IL22RA2: variants seen among roughly 807,000 people sequenced by gnomAD.
IL22RA2 encodes interleukin-22 receptor subunit alpha-2.
IL22RA2 carries 39 observed loss-of-function variants against 30.7 expected under a neutral mutation model. That is an observed-to-expected ratio of 1.27 (90% CI 0.98 to 1.66). IL22RA2 has a LOEUF of 1.66. Ranked by LOEUF, IL22RA2 falls within the 40% of genes most tolerant of loss-of-function variation. The pLI, the probability that IL22RA2 is intolerant of heterozygous loss-of-function variation, is 0.00. For synonymous variants in IL22RA2, 103 were observed against 105.0 expected, an observed-to-expected ratio of 0.98 and a Z score of 0.11; for missense variants, 315 against 312.7, an observed-to-expected ratio of 1.01 and a Z score of -0.05.
At chr6:137,146,657 T>C (rs1778185940) in intron 6 of IL22RA2, among the ~76,000 whole-genome samples, 1 of 152,172 alleles carries the variant, frequency 6.6e-6, no homozygotes, top group Non-Finnish European at 1.5e-5. Context: ...ACAAATTCAA[T>C]TATCCACCAA....
chr6:137,170,168 A>G (rs1221515746), intron 1 of IL22RA2, among the ~76,000 whole-genome samples: 1 of 152,224 alleles, frequency 6.6e-6, no homozygotes, highest in African/African-American at 2.4e-5. Flanking sequence ...GTATCCCAAG[A>G]TGAGTATGTA....
intron 1 of IL22RA2, among the ~76,000 whole-genome samples, chr6:137,172,978 G>A (rs1313241105): frequency 1.3e-5 from 2 of 152,224 alleles, no homozygotes; most frequent in Admixed American, 1.3e-4. Context: ...TACCATCCAT[G>A]AGCTGATAAC....
At chr6:137,159,188 A>G (rs1318099323) in intron 2 of IL22RA2, among the ~76,000 whole-genome samples, 3 of 152,190 alleles carry the variant, frequency 2.0e-5, no homozygotes, top group African/African-American at 4.8e-5. Flanking sequence ...TTCTTCCTCA[A>G]ATCAGGCAAC....
chr6:137,162,746 G>A (rs757719804), intron 1 of IL22RA2, among the ~76,000 whole-genome samples: 5 of 152,112 alleles, frequency 3.3e-5, no homozygotes, highest in Non-Finnish European at 5.9e-5. Context: ...GAAGCTGAGA[G>A]GTCAAAGAAA....
chr6:137,172,344 C>T (rs1778755898), intron 1 of IL22RA2, among the ~76,000 whole-genome samples: 1 of 152,190 alleles, frequency 6.6e-6, no homozygotes, highest in Non-Finnish European at 1.5e-5. Flanking sequence ...CTCCCCAAAA[C>T]GTGAGCTTTG....
chr6:137,157,118 A>C (rs994593534), intron 3 of IL22RA2, among the ~76,000 whole-genome samples: 1 of 152,138 alleles, frequency 6.6e-6, no homozygotes, highest in Non-Finnish European at 1.5e-5. Flanking sequence ...GGTGGAGACA[A>C]ACTCAAACCA....
intron 3 of IL22RA2, among the ~76,000 whole-genome samples, chr6:137,157,771 A>G (rs1778439049): frequency 6.6e-6 from 1 of 151,066 alleles, no homozygotes; most frequent in South Asian, 2.1e-4. Context: ...GGAGTAGATT[A>G]TATCTGAGTT....
intron 3 of IL22RA2, among the ~76,000 whole-genome samples, chr6:137,158,038 A>AT (rs1162469982): frequency 6.6e-6 from 1 of 152,108 alleles, no homozygotes; most frequent in Non-Finnish European, 1.5e-5. Flanking sequence ...GTTGCTTCCA[A>AT]CATTCGCCTG....
intron 5 of IL22RA2, among the ~76,000 whole-genome samples, chr6:137,153,395 C>T (rs1219199103): frequency 6.6e-6 from 1 of 152,138 alleles, no homozygotes; most frequent in Non-Finnish European, 1.5e-5. Flanking sequence ...TTGGTAAATG[C>T]TTCACTAAGC....
chr6:137,151,461 A>C (rs775079210), intron 5 of IL22RA2, among the ~76,000 whole-genome samples: 3 of 152,264 alleles, frequency 2.0e-5, no homozygotes, highest in African/African-American at 4.8e-5. Context: ...AACTCTTAGG[A>C]GAAAACATAG....
At chr6:137,146,736 T>C (rs1238532548) in intron 6 of IL22RA2, among the ~76,000 whole-genome samples, 1 of 152,206 alleles carries the variant, frequency 6.6e-6, no homozygotes, top group Non-Finnish European at 1.5e-5. Context: ...CTCATGTTTG[T>C]AATGCCAGCA....
chr6:137,146,889 G>T (rs894958554), intron 6 of IL22RA2, among the ~76,000 whole-genome samples: 5 of 151,916 alleles, frequency 3.3e-5, no homozygotes, highest in Admixed American at 6.6e-5. Context: ...CCAGCTACTT[G>T]GGAGGCTGAG....
intron 5 of IL22RA2, among the ~76,000 whole-genome samples, chr6:137,148,548 G>A (rs938772270): frequency 6.6e-6 from 1 of 152,152 alleles, no homozygotes. Context: ...CAGGGCAGCT[G>A]GGGCAGTCAC....
chr6:137,170,983 TTTG>T (rs1778722460), intron 1 of IL22RA2, among the ~76,000 whole-genome samples: 2 of 152,322 alleles, frequency 1.3e-5, no homozygotes, highest in South Asian at 4.1e-4. Context: ...TAAAGGTTTT[TTTG>T]TTGTTGTTAA....
At chr6:137,155,484 G>A (rs768003611) in intron 4 of IL22RA2, among the ~76,000 whole-genome samples, 10 of 151,260 alleles carry the variant, frequency 6.6e-5, no homozygotes, top group Non-Finnish European at 1.5e-4. Flanking sequence ...AGGGATTCAA[G>A]AGAGATGGCA....
In IL22RA2 at chr6:137,157,053, C is replaced by T. The variant is rs28385773; in HGVS notation, c.198-199G>A. Among the ~76,000 whole-genome samples, 281 of 152,266 alleles carry T rather than the reference C, an allele frequency of 1.8e-3. 3 individuals carry two copies. Among genetic ancestry groups the T allele is most frequent in the African/African-American group, 6.5e-3 (270 of 41,552 alleles). On this transcript the variant is annotated intron_variant, in intron 3 of 6. Coordinates refer to ENST00000296980, the MANE Select transcript of IL22RA2 (RefSeq NM_052962.3). The stretch of plus-strand genomic sequence containing the variant: ...ATCCCCATGACCCAAACACCTCCTA[C>T]GAGGCCCTACTTCCAACACCACCAC...
chr6:137,154,616 CACAA>C (rs1778358616), intron 5 of IL22RA2, among the ~76,000 whole-genome samples: 3 of 143,608 alleles, frequency 2.1e-5, no homozygotes, highest in South Asian at 2.2e-4. Context: ...CCCTGTCACA[CACAA>C]ACACACACAC....
intron 2 of IL22RA2, 34 bp downstream of exon 2, chr6:137,161,655 G>A: frequency 6.4e-7 from 1 of 1,562,032 alleles, no homozygotes; most frequent in Non-Finnish European, 8.8e-7. Context: ...AGATGACAAA[G>A]CTATGAGCAA....
intron 1 of IL22RA2, among the ~76,000 whole-genome samples, chr6:137,166,041 A>G (rs1028036103): frequency 2.0e-5 from 3 of 152,228 alleles, no homozygotes; most frequent in Non-Finnish European, 2.9e-5. Flanking sequence ...CCAGGGTATC[A>G]CTGTTGTGTG....
Sources: gnomAD v4.1 joint callset for allele counts (sites outside exome capture counted in the v4.1 genomes callset) on GRCh38, gnomAD v4.1.1 for gene constraint, MANE v1.5 for transcripts, NCBI Gene and HGNC (gene_info 2026-07-23, HGNC 2026-07-21) for gene names.